RNF123: variants seen among roughly 807,000 people sequenced by gnomAD.
RNF123 encodes E3 ubiquitin-protein ligase RNF123.
RNF123 carries 86 observed loss-of-function variants against 168.5 expected under a neutral mutation model. The ratio of observed to expected loss-of-function variants is 0.51; its 90% CI spans 0.43 to 0.61. The LOEUF is 0.61. Ranked by LOEUF, RNF123 falls within the 20% of genes least tolerant of loss-of-function variation. RNF123 has a pLI of 0.00. For synonymous variants in RNF123, 666 were observed against 689.1 expected, an observed-to-expected ratio of 0.97 and a Z score of 0.52; for missense variants, 1,419 against 1,729.7, an observed-to-expected ratio of 0.82 and a Z score of 3.19.
chr3:49,718,533 C>T (rs34810303), intron 35 of RNF123: 4 of 1,613,066 alleles, frequency 2.5e-6, no homozygotes, highest in Middle Eastern at 1.6e-4. Flanking sequence ...GCGGCGAAAC[C>T]CAGGCAATGC....
chr3:49,702,850 G>T, intron 20 of RNF123, 97 bp downstream of exon 20: 1 of 1,559,210 alleles, frequency 6.4e-7, no homozygotes, highest in Non-Finnish European at 8.7e-7. Flanking sequence ...GAGGCTGTGG[G>T]CTGTGGGGAG....
chr3:49,701,600 A>G lies in RNF123; in HGVS notation c.1387A>G (p.Ser463Gly). The G allele has an allele frequency of 2.5e-6, 4 of 1,613,168 alleles. No homozygotes were observed. The highest frequency in any genetic ancestry group is 1.3e-5 in the African/African-American group (1 of 75,052). ...IPTTWWPHCS[S>G]REGKESTEMK... ...CACCACCTGGTGGCCCCACTGCTCC[A>G]GTAGGGAGGTGAGTGCACCCCAAGT... Residue 463 changes from serine (S) to glycine (G), a missense_variant, in exon 16 of 39, where the codon AGT becomes GGT. Around this residue, in one of 5 missense-constraint regions of RNF123, gnomAD observed 349 missense variants for 344.9 expected, o/e 1.01. Transcript: ENST00000327697.
intron 35 of RNF123, chr3:49,719,401 T>TCCGGGGTGCCTAAC: frequency 6.2e-7 from 1 of 1,613,364 alleles, no homozygotes; most frequent in African/African-American, 1.3e-5. Flanking sequence ...ACCCTCGGAG[T>TCCGGGGTGCCTAAC]CCGGGGTGCC....
chr3:49,713,056 T>C (rs1443042151), intron 27 of RNF123: 15 of 636,784 alleles, frequency 2.4e-5, no homozygotes, highest in Non-Finnish European at 4.3e-5. Context: ...CAGCAGGGGG[T>C]GGACCCTGCT....
chr3:49,700,708 C>T lies in RNF123; in HGVS notation c.1276C>T (p.Leu426Phe). ...CCGCAAGTTTCTGCTTAGCAATGTC[C>T]TGTATCCTTTCCTTGCTGCCTGGCA... ...KSRKFLLSNV[L>F]FDVLRSVVFF... The change falls in exon 15 of 39, where the codon CTC becomes TTC. Residue 426 changes from leucine to phenylalanine, a missense_variant and splice_region_variant. Around this residue, in one of 5 missense-constraint regions of RNF123, gnomAD observed 349 missense variants for 344.9 expected, o/e 1.01. Transcript: ENST00000327697. 5 of 1,614,160 alleles carry T rather than the reference C, an allele frequency of 3.1e-6. No individual in the cohort carries two copies. Among genetic ancestry groups the T allele is most frequent in the Non-Finnish European group, 4.2e-6 (5 of 1,180,020 alleles).
At chr3:49,717,440 A>G (rs1332585665) in intron 35 of RNF123, 1 of 167,460 alleles carries the variant, frequency 6.0e-6, no homozygotes, top group East Asian at 1.8e-4. Context: ...CTTCCTTCAG[A>G]GCCGCCTTCT....
intron 35 of RNF123, chr3:49,719,533 C>T: frequency 7.4e-7 from 1 of 1,353,858 alleles, no homozygotes; most frequent in Non-Finnish European, 1.0e-6. Flanking sequence ...TCACCCTCTT[C>T]TGCTCTAGTG....
chr3:49,718,833 C>G (rs2080314614), intron 35 of RNF123: 2 of 1,613,434 alleles, frequency 1.2e-6, no homozygotes, highest in Non-Finnish European at 1.7e-6. Context: ...AGAGGCCGTT[C>G]TTGAGGAAGG....
intron 26 of RNF123, among the ~76,000 whole-genome samples, chr3:49,712,182 C>T (rs951298522): frequency 6.6e-6 from 1 of 151,324 alleles, no homozygotes; most frequent in African/African-American, 2.4e-5. Flanking sequence ...GCCAAGAGGG[C>T]GTCACTGCAC....
chr3:49,698,114 A>T lies in RNF123; in HGVS notation c.460A>T (p.Ile154Phe). The T allele has an allele frequency of 6.2e-7, 1 of 1,613,704 alleles. No homozygotes were observed. Among genetic ancestry groups the T allele is most frequent in the Non-Finnish European group, 8.5e-7 (1 of 1,179,896 alleles). ...GCTCATGCAGATCGGCTGGTGCACC[A>T]TCAGCTGCCGCTTCAACCAGGAGGT... ...QGLMQIGWCT[I>F]SCRFNQEEGV... The change falls in exon 7 of 39, where the codon ATC becomes TTC. Residue 154 changes from isoleucine to phenylalanine, a missense_variant. This residue lies in a region of RNF123 where 318 missense variants were observed against 446.6 expected (regional missense o/e 0.71). Coordinates refer to ENST00000327697, the MANE Select transcript of RNF123 (RefSeq NM_022064.5).
In RNF123 at chr3:49,720,578, C is replaced by T; in HGVS notation, c.3568C>T (p.Leu1190=). Residue 1190 remains leucine, a synonymous_variant, in exon 36 of 39, where the codon CTG becomes TTG. Coordinates refer to ENST00000327697, the MANE Select transcript of RNF123 (RefSeq NM_022064.5). ...CCAGCTACGCTCAATATGCTATCTC[C>T]TGGGACAGCCAGAGCCCCCAGCACC... ...CFQLRSICYL[L]GQPEPPAPGT... is the part of the protein sequence containing the mutation. The T allele has an allele frequency of 6.2e-7, 1 of 1,612,216 alleles. No individual in the cohort carries two copies. Among genetic ancestry groups the T allele is most frequent in the Non-Finnish European group, 8.5e-7 (1 of 1,178,914 alleles).
Position 49,699,085 on chromosome 3 carries a change from C to T in RNF123, c.744C>T (p.Asn248=). 1.2e-6 allele frequency: 2 copies of T among 1,613,668 alleles called. No individual in the cohort carries two copies. The highest frequency in any genetic ancestry group is 2.2e-5 in the South Asian group (2 of 91,090). Residue 248 remains asparagine (N), a synonymous_variant, in exon 10 of 39, where the codon AAC becomes AAT. Transcript: ENST00000327697. This position sits in a 1 kb window ranked among gnomAD's most constrained non-coding sequence, Gnocchi z 4.8. Reference sequence around the variant, plus strand: ...CTTTCAAGGAGTCCGTGGCCTTCAACTTTGGCAGCCGTCCTCTGCGATATC... The same window carrying T: ...CTTTCAAGGAGTCCGTGGCCTTCAATTTTGGCAGCCGTCCTCTGCGATATC... ...SLSFKESVAF[N]FGSRPLRYPV...
At chr3:49,713,626 G>A (rs1209124839) in intron 28 of RNF123, 39 bp downstream of exon 28, 1 of 1,598,824 alleles carries the variant, frequency 6.3e-7, no homozygotes, top group South Asian at 1.1e-5. Flanking sequence ...GGAGGGGGAT[G>A]GGATGGCACC....
intron 25 of RNF123, 104 bp from the exon 26 acceptor site, chr3:49,706,687 C>T: frequency 2.1e-6 from 2 of 968,626 alleles, no homozygotes; most frequent in Non-Finnish European, 3.3e-6. Flanking sequence ...AATCCCTTGC[C>T]TGCTCCAGGC....
chr3:49,712,769 G>A, intron 27 of RNF123, 113 bp downstream of exon 27: 2 of 1,236,526 alleles, frequency 1.6e-6, no homozygotes, highest in Non-Finnish European at 2.3e-6. Flanking sequence ...GTGGGGGGCG[G>A]GGAGGGGAGG....
chr3:49,718,298 C>G, intron 35 of RNF123: 1 of 1,613,150 alleles, frequency 6.2e-7, no homozygotes, highest in Non-Finnish European at 8.5e-7. Flanking sequence ...ACGGCACAGC[C>G]CAGCAGTGTG....
intron 3 of RNF123, among the ~76,000 whole-genome samples, chr3:49,693,694 G>A (rs1415895593): frequency 6.6e-6 from 1 of 152,078 alleles, no homozygotes; most frequent in Non-Finnish European, 1.5e-5. Context: ...AACTGTTCTC[G>A]ATAGTGATTG....
intron 9 of RNF123, 77 bp from the exon 10 acceptor site, chr3:49,698,903 G>T: frequency 6.2e-7 from 1 of 1,606,954 alleles, no homozygotes; most frequent in South Asian, 1.1e-5. Context: ...CCTGTAAGGG[G>T]CCAGACTGAG....
At chr3:49,697,833 G>A in intron 5 of RNF123, 52 bp from the exon 6 acceptor site, 1 of 1,609,268 alleles carries the variant, frequency 6.2e-7, no homozygotes, top group African/African-American at 1.3e-5. Context: ...TTCCCTTGGG[G>A]AGATGCTCTG....
Sources: allele counts gnomAD v4.1 joint callset (sites outside exome capture counted in the v4.1 genomes callset), GRCh38; gene constraint gnomAD v4.1.1; regional missense constraint gnomAD v4.1.1; non-coding constraint Gnocchi (gnomAD v3.1); transcripts MANE v1.5; gene names NCBI Gene and HGNC (gene_info 2026-07-23, HGNC 2026-07-21).